The following RRAS2 variants were observed in gnomAD, a reference collection of about 807,000 sequenced individuals.
RRAS2 encodes the protein RAS related 2, also known as ras-related protein R-Ras2.
In RRAS2, 7 loss-of-function variants were observed where a neutral mutation model predicts 27.6. The observed-to-expected ratio is 0.25, with a 90% confidence interval of 0.14 to 0.48. The LOEUF is 0.48. Ranked by LOEUF, RRAS2 falls within the 20% of genes least tolerant of loss-of-function variation. The pLI, the probability that RRAS2 is intolerant of heterozygous loss-of-function variation, is 0.99. For synonymous variants in RRAS2, 86 were observed against 90.9 expected (o/e 0.95, Z 0.31); for missense variants, 178 against 256.2 (o/e 0.69, Z 2.08).
intron 1 of RRAS2, among the ~76,000 whole-genome samples, chr11:14,346,919 C>T (rs1434643519): frequency 6.6e-6 from 1 of 152,060 alleles, no homozygotes; most frequent in East Asian, 1.9e-4. Context: ...CTGTGGGAGG[C>T]CAAGGTGGGA....
At chr11:14,309,639 G>T (rs1249958467) in intron 1 of RRAS2, among the ~76,000 whole-genome samples, 1 of 152,234 alleles carries the variant, frequency 6.6e-6, no homozygotes, top group Non-Finnish European at 1.5e-5. Context: ...AGTGAGCCAT[G>T]CTGTGATCTA....
Position 14,358,370 on chromosome 11 carries a change from T to C in RRAS2, c.108+393A>G. On this transcript the variant is annotated intron_variant, in intron 1 of 5. Coordinates refer to ENST00000256196, the MANE Select transcript of RRAS2 (RefSeq NM_012250.6). The surrounding 1 kb of genome is among the most constrained non-coding windows in gnomAD (Gnocchi z 5.1). ...CGGTGAAGGCGCGGCCGCAGGCGGC[T>C]GGAAAAGCAGCGCGCGGGGCTCCAG... 5 of 985,172 alleles carry C rather than the reference T, an allele frequency of 5.1e-6. No individual in the cohort carries two copies. Among genetic ancestry groups the C allele is most frequent in the African/African-American group, 3.5e-5 (2 of 57,234 alleles). The allele number at this position is 985,172 out of a possible 1,614,324, so 61.0% of individuals were successfully genotyped here.
At chr11:14,299,759 G>A (rs1223078422) in intron 1 of RRAS2, among the ~76,000 whole-genome samples, 1 of 152,150 alleles carries the variant, frequency 6.6e-6, no homozygotes, top group East Asian at 1.9e-4. Flanking sequence ...ACAACCACCA[G>A]TAGTTGAGGT....
intron 1 of RRAS2, among the ~76,000 whole-genome samples, chr11:14,335,215 TG>T (rs1848566180): frequency 6.6e-6 from 1 of 152,204 alleles, no homozygotes; most frequent in South Asian, 2.1e-4. Context: ...TCCCTTTTAA[TG>T]GCAGGCTTCC....
chr11:14,339,277 C>CAA (rs71041597), intron 1 of RRAS2, among the ~76,000 whole-genome samples: 43 of 42,332 alleles, frequency 1.0e-3, no homozygotes, highest in African/African-American at 3.4e-3. Context: ...CTGTCTCTAC[C>CAA]AAAAAAAAAA....
intron 1 of RRAS2, among the ~76,000 whole-genome samples, chr11:14,312,937 G>A (rs958429453): frequency 7.9e-5 from 12 of 152,268 alleles, no homozygotes; most frequent in African/African-American, 2.4e-4. Flanking sequence ...CCTGGAGGCC[G>A]GGCCAGCACT....
At chr11:14,339,347 TTTTTG>T (rs1554952991) in intron 1 of RRAS2, among the ~76,000 whole-genome samples, 1 of 151,808 alleles carries the variant, frequency 6.6e-6, no homozygotes. Context: ...ACCGATCCAT[TTTTTG>T]TTTTGTTTTT....
chr11:14,325,859 T>C (rs781962415), intron 1 of RRAS2, among the ~76,000 whole-genome samples: 1 of 152,220 alleles, frequency 6.6e-6, no homozygotes, highest in Non-Finnish European at 1.5e-5. Flanking sequence ...CATTGTATCT[T>C]CTACTTGATT....
chr11:14,359,145 G>T lies in RRAS2; in HGVS notation c.-275C>A. 2.0e-6 allele frequency: 2 copies of T among 1,023,546 alleles called. No individual in the cohort carries two copies. Among genetic ancestry groups the T allele is most frequent in the Non-Finnish European group, 2.3e-6 (2 of 855,760 alleles). The allele number at this position is 1,023,546 out of a possible 1,614,324, so 63.4% of individuals were successfully genotyped here. ...TCCTCTACGCGTCTCCGCAGCGCCTGCCGAACGCAGCCTCCAGCGCCGCCA... is the reference window on the plus strand; with the variant it reads ...TCCTCTACGCGTCTCCGCAGCGCCTTCCGAACGCAGCCTCCAGCGCCGCCA... On this transcript the variant is annotated 5_prime_UTR_variant, in exon 1 of 6. Coordinates refer to ENST00000256196, the MANE Select transcript of RRAS2 (RefSeq NM_012250.6).
chr11:14,363,772 AAAAAT>A (rs537169496), upstream of RRAS2, among the ~76,000 whole-genome samples: 35 of 149,552 alleles, frequency 2.3e-4, no homozygotes, highest in African/African-American at 5.4e-4. Flanking sequence ...CTCCGTCTCA[AAAAAT>A]AAAATAAAAT....
rs1554950881 is a variant in RRAS2, at chr11:14,325,467, CT to C, written c.109-29613del. On this transcript the variant is annotated intron_variant, in intron 1 of 5. Coordinates refer to ENST00000256196, the MANE Select transcript of RRAS2 (RefSeq NM_012250.6). Reference sequence around the variant, plus strand: ...TACAGGCGCCTGCCACGACGCCTGGCTTTTTGTATTTTTAGCAGAGAGGGGG... The same window carrying C: ...TACAGGCGCCTGCCACGACGCCTGGCTTTTGTATTTTTAGCAGAGAGGGGG... Among the ~76,000 whole-genome samples, 4 of 152,150 alleles carry C rather than the reference CT, an allele frequency of 2.6e-5. No individual in the cohort carries two copies. The East Asian group carries it at 5.8e-4, about 22-fold the overall frequency.
intron 4 of RRAS2, among the ~76,000 whole-genome samples, chr11:14,282,106 G>A (rs1244815885): frequency 6.6e-6 from 1 of 152,180 alleles, no homozygotes; most frequent in Non-Finnish European, 1.5e-5. Context: ...ATGGAGTTGA[G>A]GGGTGGAGGG....
intron 4 of RRAS2, among the ~76,000 whole-genome samples, chr11:14,285,095 G>A (rs1849627809): frequency 6.6e-6 from 1 of 151,994 alleles, no homozygotes; most frequent in Admixed American, 6.6e-5. Flanking sequence ...CTTCTTTTGG[G>A]TTAGCTGAGT....
upstream of RRAS2, chr11:14,359,268 G>C (rs11023196): frequency 0.019 from 14,004 of 722,230 alleles, 183 homozygotes; most frequent in Non-Finnish European, 0.022. Flanking sequence ...GCTGAGGTTC[G>C]GGAGGTAACC....
chr11:14,297,316 C>T (rs916688164), intron 1 of RRAS2, among the ~76,000 whole-genome samples: 2 of 152,284 alleles, frequency 1.3e-5, no homozygotes, highest in Admixed American at 6.5e-5. Context: ...ACCCAACATT[C>T]GTGGCGACCT....
chr11:14,321,941 A>G (rs1179949222), intron 1 of RRAS2, among the ~76,000 whole-genome samples: 1 of 152,170 alleles, frequency 6.6e-6, no homozygotes, highest in Non-Finnish European at 1.5e-5. Context: ...CTACAATTGA[A>G]CTTTGTTTAG....
chr11:14,295,941 G>C, intron 1 of RRAS2, 86 bp from the exon 2 acceptor site: 9 of 1,248,718 alleles, frequency 7.2e-6, no homozygotes, highest in Non-Finnish European at 1.0e-5. Context: ...GGGAGGCCGA[G>C]GGAGAAGGAT....
intron 1 of RRAS2, among the ~76,000 whole-genome samples, chr11:14,321,557 G>A (rs574222073): frequency 6.6e-6 from 1 of 152,278 alleles, no homozygotes; most frequent in African/African-American, 2.4e-5. Flanking sequence ...TACCTATTAA[G>A]ACCACTTTAG....
intron 4 of RRAS2, among the ~76,000 whole-genome samples, chr11:14,287,677 G>A (rs1406944107): frequency 3.3e-5 from 5 of 151,862 alleles, no homozygotes; most frequent in Admixed American, 6.6e-5. Context: ...CTCAAGACAC[G>A]CCTGGCCAAC....
Sources: allele counts gnomAD v4.1 joint callset (sites outside exome capture counted in the v4.1 genomes callset), GRCh38; gene constraint gnomAD v4.1.1; non-coding constraint Gnocchi (gnomAD v3.1); transcripts MANE v1.5; gene names NCBI Gene and HGNC (gene_info 2026-07-23, HGNC 2026-07-21).